Variants in TNNI3K observed in about 807,000 individuals in gnomAD.
The protein encoded by TNNI3K is serine/threonine-protein kinase TNNI3K.
In TNNI3K, 140 loss-of-function variants were observed where a neutral mutation model predicts 114.5. The ratio of observed to expected loss-of-function variants is 1.22; its 90% confidence interval spans 1.07 to 1.41. TNNI3K has a LOEUF of 1.41. Among genes scored for constraint, TNNI3K ranks in the 40% most tolerant of loss-of-function variants. TNNI3K has a pLI of 0.00. For synonymous variants in TNNI3K, 347 were observed against 347.5 expected (o/e 1.00, Z 0.02); for missense variants, 1,125 against 1,007.6 (o/e 1.12, Z -1.58).
At chr1:74,356,218 TATC>T (rs1465870867) in intron 11 of TNNI3K, among the ~76,000 whole-genome samples, 7 of 152,224 alleles carry the variant, frequency 4.6e-5, no homozygotes, top group Non-Finnish European at 8.8e-5. Flanking sequence ...TGTTCATTCT[TATC>T]ATTGTATAGT....
chr1:74,304,105 A>G (rs1216572200), intron 5 of TNNI3K, among the ~76,000 whole-genome samples: 1 of 152,222 alleles, frequency 6.6e-6, no homozygotes, highest in Non-Finnish European at 1.5e-5. Flanking sequence ...CTGAATTGAC[A>G]AGAGATTCAA....
chr1:74,506,927 T>C (rs569775040), intron 23 of TNNI3K, among the ~76,000 whole-genome samples: 34 of 152,194 alleles, frequency 2.2e-4, no homozygotes, highest in Non-Finnish European at 4.0e-4. Flanking sequence ...ACTTTCTACT[T>C]GGTATCATGT....
chr1:74,290,792 A>T (rs1385262295), intron 5 of TNNI3K, among the ~76,000 whole-genome samples: 1 of 151,726 alleles, frequency 6.6e-6, no homozygotes, highest in African/African-American at 2.4e-5. Context: ...TAATGGCTAC[A>T]CACCTCTCCC....
At chr1:74,505,419 G>A (rs559848281) in intron 23 of TNNI3K, among the ~76,000 whole-genome samples, 110 of 152,288 alleles carry the variant, frequency 7.2e-4, no homozygotes, top group African/African-American at 2.5e-3. Context: ...TGCTATGTTC[G>A]CAGCAATAAG....
At chr1:74,508,134 G>T (rs989153219) in intron 23 of TNNI3K, among the ~76,000 whole-genome samples, 1 of 152,232 alleles carries the variant, frequency 6.6e-6, no homozygotes, top group African/African-American at 2.4e-5. Flanking sequence ...ATAGCTTCTT[G>T]CAAAAGGTGG....
chr1:74,309,938 A>G (rs1177031126), intron 5 of TNNI3K, among the ~76,000 whole-genome samples: 2 of 152,186 alleles, frequency 1.3e-5, no homozygotes, highest in Non-Finnish European at 2.9e-5. Context: ...TATTCAACAT[A>G]ATACTGGAAG....
intron 5 of TNNI3K, among the ~76,000 whole-genome samples, chr1:74,293,076 CTG>C (rs897507545): frequency 1.3e-4 from 19 of 151,594 alleles, no homozygotes; most frequent in African/African-American, 4.3e-4. Flanking sequence ...GACTTCATAA[CTG>C]TTTTACTTTA....
At chr1:74,464,645 G>T in intron 21 of TNNI3K, 1 of 1,588,830 alleles carries the variant, frequency 6.3e-7, no homozygotes, top group African/African-American at 1.3e-5. Flanking sequence ...GCAAAATCCA[G>T]ACCAAGTCAT....
chr1:74,492,038 T>C, intron 22 of TNNI3K, 59 bp from the exon 23 acceptor site: 1 of 1,381,150 alleles, frequency 7.2e-7, no homozygotes, highest in African/African-American at 1.4e-5. Context: ...ATATTTTATG[T>C]TATGTCTTCA....
chr1:74,368,256 T>G (rs1662384485), intron 13 of TNNI3K, among the ~76,000 whole-genome samples: 1 of 151,804 alleles, frequency 6.6e-6, no homozygotes, highest in Admixed American at 6.6e-5. Context: ...ATATTAATAT[T>G]TCTTTAAGGA....
intron 17 of TNNI3K, chr1:74,371,629 A>C (rs1405056662): frequency 6.6e-6 from 1 of 151,856 alleles, no homozygotes; most frequent in East Asian, 1.9e-4. Flanking sequence ...GTTTCATTTT[A>C]GTATACAAAG....
intron 20 of TNNI3K, among the ~76,000 whole-genome samples, chr1:74,440,224 T>A (rs191628471): frequency 1.3e-5 from 2 of 152,082 alleles, no homozygotes; most frequent in Non-Finnish European, 2.9e-5. Context: ...AGGTAAAATA[T>A]ACACATATTT....
chr1:74,433,733 A>G (rs1665998829), intron 17 of TNNI3K, among the ~76,000 whole-genome samples: 1 of 152,130 alleles, frequency 6.6e-6, no homozygotes, highest in South Asian at 2.1e-4. Context: ...CCTCAATGTG[A>G]TAAATGTTAT....
intron 23 of TNNI3K, among the ~76,000 whole-genome samples, chr1:74,520,735 T>A (rs1435331902): frequency 1.3e-5 from 2 of 152,124 alleles, no homozygotes; most frequent in Admixed American, 1.3e-4. Flanking sequence ...ATGTGGTATT[T>A]GGGACTTGGT....
intron 17 of TNNI3K, among the ~76,000 whole-genome samples, chr1:74,410,340 G>A (rs958827583): frequency 3.3e-5 from 5 of 151,908 alleles, no homozygotes; most frequent in African/African-American, 9.7e-5. Flanking sequence ...CCAAAATCAC[G>A]CAACTAGTTA....
intron 13 of TNNI3K, 107 bp downstream of exon 13, chr1:74,368,071 C>T: frequency 9.3e-7 from 1 of 1,073,638 alleles, no homozygotes; most frequent in Admixed American, 2.9e-5. Flanking sequence ...GACTATTTTA[C>T]AAGCACAACA....
At chr1:74,416,433 A>G (rs1665117668) in intron 17 of TNNI3K, 11 of 961,298 alleles carry the variant, frequency 1.1e-5, no homozygotes, top group Non-Finnish European at 1.4e-5. Context: ...CATGCGTGAC[A>G]TAGTTTGGGG....
intron 20 of TNNI3K, among the ~76,000 whole-genome samples, chr1:74,462,729 G>GGAAATATTT (rs1265647178): frequency 1.3e-5 from 2 of 152,112 alleles, no homozygotes; most frequent in Non-Finnish European, 2.9e-5. Flanking sequence ...TTGCAGAACA[G>GGAAATATTT]GAAATATTTA....
intron 5 of TNNI3K, among the ~76,000 whole-genome samples, chr1:74,322,918 T>C (rs542806086): frequency 6.0e-4 from 92 of 152,270 alleles, no homozygotes; most frequent in Non-Finnish European, 1.1e-3. Context: ...CTTCAATCCA[T>C]TCAATCCATA....
Sources: allele counts gnomAD v4.1 joint callset (sites outside exome capture counted in the v4.1 genomes callset), GRCh38; gene constraint gnomAD v4.1.1; transcripts MANE v1.5; gene names NCBI Gene and HGNC (gene_info 2026-07-23, HGNC 2026-07-21).